The following KCNIP4 variants were observed in gnomAD, a reference collection of about 807,000 sequenced individuals.
KCNIP4 encodes Kv channel-interacting protein 4.
Under a neutral mutation model 34.0 loss-of-function variants are expected in KCNIP4, and 12 were observed. The observed-to-expected ratio is 0.35, with a 90% confidence interval of 0.23 to 0.57. The LOEUF is 0.57. Among genes scored for constraint, KCNIP4 ranks in the 20% least tolerant of loss-of-function variants. The probability of loss-of-function intolerance (pLI) is 0.83; values close to 1 mark genes in which losing one functional copy is unlikely to be tolerated. For missense variants in KCNIP4, 238 were observed against 311.7 expected (o/e 0.76, Z 1.78); for synonymous variants, 124 against 102.2 (o/e 1.21, Z -1.29).
intron 5 of KCNIP4, among the ~76,000 whole-genome samples, chr4:20,739,548 A>T (rs1048882517): frequency 1.3e-5 from 2 of 152,220 alleles, no homozygotes; most frequent in Admixed American, 1.3e-4. Flanking sequence ...AATAGCATCA[A>T]CATCAACAAA....
intron 1 of KCNIP4, among the ~76,000 whole-genome samples, chr4:21,935,377 C>T (rs1232123304): frequency 6.6e-6 from 1 of 152,066 alleles, no homozygotes; most frequent in Non-Finnish European, 1.5e-5. Flanking sequence ...TGCCTACCCA[C>T]TACATAAAAT....
chr4:20,937,062 G>A (rs1049768126), intron 1 of KCNIP4, among the ~76,000 whole-genome samples: 3 of 151,748 alleles, frequency 2.0e-5, no homozygotes, highest in African/African-American at 4.8e-5. Context: ...AAAGAAGAGG[G>A]GTAGAAGCCT....
Position 20,734,861 on chromosome 4 carries a change from T to TTA in KCNIP4, c.430-128_430-127dup, listed in dbSNP as rs571845123. ...AACATTTAGCAAAATGATTGATGTG[T>TTA]TATTGGTTGTCTAGTTTTCAGACTT... is the stretch of plus-strand genomic sequence containing the variant. On this transcript the variant is annotated intron_variant, in intron 5 of 8. Coordinates refer to ENST00000382152, the MANE Select transcript of KCNIP4 (RefSeq NM_025221.6). The TTA allele has an allele frequency of 1.2e-4, 62 of 505,956 alleles. 1 individual carries two copies. In the South Asian group the frequency reaches 1.7e-3, roughly 14 times the overall value. The allele number at this position is 505,956 out of a possible 1,614,324, so 31.3% of individuals were successfully genotyped here. A position where few individuals can be genotyped will look rare whatever the true frequency, so the allele number is the denominator to read the frequency against.
intron 1 of KCNIP4, among the ~76,000 whole-genome samples, chr4:21,904,555 A>G (rs1482286636): frequency 1.3e-5 from 2 of 152,186 alleles, no homozygotes; most frequent in Non-Finnish European, 2.9e-5. Context: ...AATTCTAGAA[A>G]TCTACTGTAG....
chr4:21,470,591 G>A (rs17523841), intron 1 of KCNIP4, among the ~76,000 whole-genome samples: 18,988 of 152,158 alleles, frequency 0.12, 1,353 homozygotes, highest in South Asian at 0.21. Flanking sequence ...ACTTCTCTAT[G>A]CTTTAACCAA....
In KCNIP4 at chr4:21,784,698, C is replaced by T. The variant is rs151022738; in HGVS notation, c.61+163873G>A. On this transcript the variant is annotated intron_variant, in intron 1 of 8. Transcript: ENST00000382152. Reference sequence around the variant, plus strand: ...TATATCTTTATTTGGAACATTCTGACGAAAATCCAACTAGGTCAAATAAAA... The same window carrying T: ...TATATCTTTATTTGGAACATTCTGATGAAAATCCAACTAGGTCAAATAAAA... Among the ~76,000 whole-genome samples, 517 of 152,174 alleles carry T rather than the reference C, an allele frequency of 3.4e-3. 2 individuals are homozygous for T. Among genetic ancestry groups the T allele is most frequent in the African/African-American group, 0.011 (476 of 41,534 alleles).
At chr4:21,570,730 ATTATT>A (rs1476277959) in intron 1 of KCNIP4, among the ~76,000 whole-genome samples, 2 of 152,142 alleles carry the variant, frequency 1.3e-5, no homozygotes, top group Non-Finnish European at 2.9e-5. Context: ...AGTCAAAGTT[ATTATT>A]TTATCATTTT....
At position 21,611,376 on chromosome 4, in the gene KCNIP4, T is replaced by C. The variant is rs763916058; in HGVS notation, c.61+337195A>G. 2.6e-5 allele frequency among the ~76,000 whole-genome samples: 4 copies of C among 152,102 alleles called. No homozygotes were observed. The South Asian group carries it at 6.2e-4, about 24-fold the overall frequency. On this transcript the variant is annotated intron_variant, in intron 1 of 8. Transcript: ENST00000382152. ...CCCCTTATAAAACCATCAGATCTTATGAGAACTCACTCACCATCTCAAGAA... is the reference window on the plus strand; with the variant it reads ...CCCCTTATAAAACCATCAGATCTTACGAGAACTCACTCACCATCTCAAGAA...
At chr4:20,916,257 C>A in intron 1 of KCNIP4, 1 of 916,232 alleles carries the variant, frequency 1.1e-6, no homozygotes, top group South Asian at 5.0e-5. Flanking sequence ...AAAGAGCTCT[C>A]TTCTCTGACC....
intron 1 of KCNIP4, among the ~76,000 whole-genome samples, chr4:21,282,465 T>A (rs1306400665): frequency 2.0e-5 from 2 of 97,948 alleles, no homozygotes; most frequent in Non-Finnish European, 3.8e-5. Context: ...TGTGAGTGTG[T>A]GTGTGTGTGT....
At chr4:20,785,328 CTT>C (rs60704201) in intron 3 of KCNIP4, among the ~76,000 whole-genome samples, 135 of 136,276 alleles carry the variant, frequency 9.9e-4, no homozygotes, top group Admixed American at 1.6e-3. Context: ...ATTTTTTTTT[CTT>C]TTTTTTTTTT....
chr4:21,387,022 A>C (rs1722093496), intron 1 of KCNIP4, among the ~76,000 whole-genome samples: 1 of 152,168 alleles, frequency 6.6e-6, no homozygotes, highest in Non-Finnish European at 1.5e-5. Flanking sequence ...ACAGGAGGTG[A>C]AGATAGAAAC....
At chr4:21,829,593 A>C (rs967973906) in intron 1 of KCNIP4, among the ~76,000 whole-genome samples, 1 of 152,054 alleles carries the variant, frequency 6.6e-6, no homozygotes, top group Non-Finnish European at 1.5e-5. Context: ...ATATAGAAAA[A>C]AATTCAAATT....
chr4:21,287,090 C>T (rs1410234043), intron 1 of KCNIP4, among the ~76,000 whole-genome samples: 1 of 152,066 alleles, frequency 6.6e-6, no homozygotes, highest in Non-Finnish European at 1.5e-5. Context: ...GTCCTCTCCC[C>T]CTGGAAGCAT....
At chr4:21,031,750 T>G (rs913897441) in intron 1 of KCNIP4, among the ~76,000 whole-genome samples, 2 of 152,206 alleles carry the variant, frequency 1.3e-5, no homozygotes, top group Admixed American at 6.6e-5. Context: ...AAAAGCTAAC[T>G]TCATACAAAT....
chr4:21,326,289 CATAT>C (rs61553563), intron 1 of KCNIP4, among the ~76,000 whole-genome samples: 1 of 148,572 alleles, frequency 6.7e-6, no homozygotes, highest in Non-Finnish European at 1.5e-5. Flanking sequence ...GTTGGATATA[CATAT>C]ATATATATAT....
At chr4:21,229,839 G>C (rs188733660) in intron 1 of KCNIP4, among the ~76,000 whole-genome samples, 1 of 152,256 alleles carries the variant, frequency 6.6e-6, no homozygotes, top group African/African-American at 2.4e-5. Context: ...TTTCCTCTCT[G>C]AGTCTTCTTC....
At chr4:21,211,320 A>G (rs1037667441) in intron 1 of KCNIP4, among the ~76,000 whole-genome samples, 9 of 152,300 alleles carry the variant, frequency 5.9e-5, no homozygotes, top group Admixed American at 4.6e-4. Flanking sequence ...CCCCCGGGCC[A>G]CAGACCTGTA....
chr4:21,453,891 G>C (rs1389300107), intron 1 of KCNIP4, among the ~76,000 whole-genome samples: 1 of 152,032 alleles, frequency 6.6e-6, no homozygotes, highest in Non-Finnish European at 1.5e-5. Flanking sequence ...TTAAAGCACT[G>C]TCCTGTCACT....
Sources: gnomAD v4.1 joint callset for allele counts (sites outside exome capture counted in the v4.1 genomes callset) on GRCh38, gnomAD v4.1.1 for gene constraint, MANE v1.5 for transcripts, NCBI Gene and HGNC (gene_info 2026-07-23, HGNC 2026-07-21) for gene names.